RASGRF1: variants seen among roughly 807,000 people sequenced by gnomAD.
RASGRF1 encodes the protein Ras protein specific guanine nucleotide releasing factor 1.
A neutral mutation model predicts 138.7 loss-of-function variants in RASGRF1; 40 were observed. The ratio of observed to expected loss-of-function variants is 0.29; its 90% CI spans 0.22 to 0.38. The LOEUF is 0.38. RASGRF1 is among the 10% of genes least tolerant of loss of function. RASGRF1 has a pLI of 1.00. For missense variants in RASGRF1, 1,108 were observed against 1,650.4 expected (o/e 0.67, Z 5.69); for synonymous variants, 614 against 663.2 (o/e 0.93, Z 1.14).
chr15:79,039,282 G>C (rs975666006), intron 5 of RASGRF1, among the ~76,000 whole-genome samples: 1 of 115,640 alleles, frequency 8.6e-6, no homozygotes, highest in African/African-American at 3.4e-5. Flanking sequence ...GGGCAACAGA[G>C]TGAGACCCTG....
At chr15:79,021,850 T>C (rs1272562743) in intron 10 of RASGRF1, among the ~76,000 whole-genome samples, 3 of 152,208 alleles carry the variant, frequency 2.0e-5, no homozygotes, top group Admixed American at 2.0e-4. Flanking sequence ...TCTTGCCCCA[T>C]AGTAAGCATT....
chr15:78,996,977 C>T (rs986085791), intron 19 of RASGRF1, among the ~76,000 whole-genome samples: 5 of 152,218 alleles, frequency 3.3e-5, no homozygotes, highest in African/African-American at 1.2e-4. Flanking sequence ...CAAGCCCTCA[C>T]ACCTGGGCTG....
chr15:78,974,231 C>T lies in RASGRF1; in HGVS notation c.3495-811G>A, dbSNP rs72730685. On this transcript the variant is annotated intron_variant, in intron 24 of 26. Transcript: ENST00000558480. ...GAGCCCGGCGGTCGTTATGTGCCGG[C>T]AGGGCTCCCTTTAGCTCCTTCTGGG... Among the ~76,000 whole-genome samples, 583 of 152,316 alleles carry T rather than the reference C, an allele frequency of 3.8e-3. 3 individuals are homozygous for T. The highest frequency in any genetic ancestry group is 6.4e-3 in the Non-Finnish European group (433 of 68,018).
At chr15:78,968,250 A>ATGTGTGTGTG (rs10529968) in intron 26 of RASGRF1, among the ~76,000 whole-genome samples, 2,025 of 134,282 alleles carry the variant, frequency 0.015, 44 homozygotes, top group African/African-American at 0.048. Flanking sequence ...CATGACACTG[A>ATGTGTGTGTG]TGTGTGTGTG....
In RASGRF1 at chr15:78,991,696, A is replaced by G; in HGVS notation, c.3126T>C (p.Pro1042=). ...LLDHLVFKKI[P]YEEFFGQGWM... ...GTGGTGCCTGCAACACTTACTCATA[A>G]GGAATCTTCTTGAAGACGAGGTGAT... Residue 1042 remains proline (P), a synonymous_variant, in exon 21 of 27, where the codon CCT becomes CCC. Transcript: ENST00000558480. The G allele has an allele frequency of 6.2e-7, 1 of 1,613,762 alleles. No homozygotes were observed. The highest frequency in any genetic ancestry group is 8.5e-7 in the Non-Finnish European group (1 of 1,179,618).
At position 79,025,462 on chromosome 15, in the gene RASGRF1, T is replaced by C. The variant is rs759451394; in HGVS notation, c.1394A>G (p.Gln465Arg). The C allele has an allele frequency of 7.4e-6, 12 of 1,612,390 alleles. No individual in the cohort carries two copies. The highest frequency in any genetic ancestry group is 9.3e-6 in the Non-Finnish European group (11 of 1,179,070). ...QTFVRQGSLI[Q>R]VPMSEKGKIT... ...CTTGCCCTTTTCAGACATGGGCACC[T>C]GAATGAGGGAACCTGTGGGTGGAGG... Residue 465 changes from glutamine to arginine, a missense_variant, in exon 10 of 27, where the codon CAG becomes CGG. Transcript: ENST00000558480.
Position 79,090,757 on chromosome 15 carries a change from C to T in RASGRF1, c.-259G>A, listed in dbSNP as rs1193144365. On this transcript the variant is annotated 5_prime_UTR_variant, in exon 1 of 27. Coordinates refer to ENST00000558480, the MANE Select transcript of RASGRF1 (RefSeq NM_001145648.3). ...CGGAAGATGCCGCCCGACCCTCCTC[C>T]GGTGCCGGGCAAACTGAGGGACTGG... 5 of 511,628 alleles carry T rather than the reference C, an allele frequency of 9.8e-6. No individual in the cohort carries two copies. Among genetic ancestry groups the T allele is most frequent in the Non-Finnish European group, 1.4e-5 (4 of 294,642 alleles). 31.7% of individuals were successfully genotyped at this position (511,628 alleles called of 1,614,324 possible). A position where few individuals can be genotyped will look rare whatever the true frequency, so the allele number is the denominator to read the frequency against.
At chr15:79,044,132 A>G (rs943508490) in intron 5 of RASGRF1, among the ~76,000 whole-genome samples, 2 of 152,174 alleles carry the variant, frequency 1.3e-5, no homozygotes, top group African/African-American at 4.8e-5. Flanking sequence ...ACTCTCCCCA[A>G]GGAGTGCCCC....
chr15:79,002,408 C>CT (rs2056550884), intron 15 of RASGRF1, among the ~76,000 whole-genome samples: 1 of 152,162 alleles, frequency 6.6e-6, no homozygotes, highest in Non-Finnish European at 1.5e-5. Flanking sequence ...CTCTTAACTG[C>CT]TCTGGGCCTC....
At chr15:78,996,271 G>A (rs1430701237) in intron 19 of RASGRF1, among the ~76,000 whole-genome samples, 1 of 152,228 alleles carries the variant, frequency 6.6e-6, no homozygotes, top group Non-Finnish European at 1.5e-5. Flanking sequence ...GGAGAGCAGA[G>A]GAGAGTGGTA....
chr15:79,064,442 C>T lies in RASGRF1; in HGVS notation c.361G>A (p.Val121Met), dbSNP rs2057649450. The change falls in exon 2 of 27, where the codon GTG (valine) becomes ATG (methionine). Residue 121 changes from valine to methionine, a missense_variant. Val to Met is a conservative substitution (Grantham distance 21). This residue lies in a region of RASGRF1 where 253 missense variants were observed against 329.5 expected (regional missense o/e 0.77). Coordinates refer to ENST00000558480, the MANE Select transcript of RASGRF1 (RefSeq NM_001145648.3). Reference sequence around the variant, plus strand: ...TACCTGGCATGTGCAATGGCTGCCACCCATTCGTCACAATCTTTTGCGTCC... The same window carrying T: ...TACCTGGCATGTGCAATGGCTGCCATCCATTCGTCACAATCTTTTGCGTCC... ...TEDAKDCDEW[V>M]AAIAHASYRT... is the part of the protein sequence containing the mutation. 2.5e-6 allele frequency: 4 copies of T among 1,614,160 alleles called. No individual in the cohort carries two copies. Among genetic ancestry groups the T allele is most frequent in the Non-Finnish European group, 3.4e-6 (4 of 1,179,970 alleles).
In RASGRF1 at chr15:78,973,845, C is replaced by T. The variant is rs2055820368; in HGVS notation, c.3495-425G>A. Among the ~76,000 whole-genome samples, 1 of 152,100 alleles carries T rather than the reference C, an allele frequency of 6.6e-6. No homozygotes were observed. Among genetic ancestry groups the T allele is most frequent in the African/African-American group, 2.4e-5 (1 of 41,408 alleles). ...ATCACCTCCTGGAGGGCTCTGCAGC[C>T]CCAGCCCCCCAACTCCTGCCAGTCA... On this transcript the variant is annotated intron_variant, in intron 24 of 26. Coordinates refer to ENST00000558480, the MANE Select transcript of RASGRF1 (RefSeq NM_001145648.3). This position sits in a 1 kb window ranked among gnomAD's most constrained non-coding sequence, Gnocchi z 4.9.
chr15:79,011,272 ATTAT>A, intron 13 of RASGRF1, among the ~76,000 whole-genome samples: 1 of 152,276 alleles, frequency 6.6e-6, no homozygotes, highest in African/African-American at 2.4e-5. Flanking sequence ...GGATCGCTGT[ATTAT>A]TTAAGAAAGT....
rs114746212 is a variant in RASGRF1, at chr15:79,053,705, A to T, written c.532-4117T>A. Among the ~76,000 whole-genome samples, 1,104 of 152,332 alleles carry T rather than the reference A, an allele frequency of 7.2e-3. 9 individuals are homozygous for T. The highest frequency in any genetic ancestry group is 0.025 in the African/African-American group (1,021 of 41,568). ...TGTCGGCATGATCTCCTGTTAACAGAGATGGCTGGGGTGGGTGCCACAGGA... is the reference window on the plus strand; with the variant it reads ...TGTCGGCATGATCTCCTGTTAACAGTGATGGCTGGGGTGGGTGCCACAGGA... On this transcript the variant is annotated intron_variant, in intron 3 of 26. Transcript: ENST00000558480.
intron 21 of RASGRF1, among the ~76,000 whole-genome samples, chr15:78,990,808 T>C (rs556999110): frequency 6.6e-6 from 1 of 152,254 alleles, no homozygotes; most frequent in African/African-American, 2.4e-5. Context: ...GGGAGGTGAT[T>C]TGTGTTTGAA....
chr15:79,024,777 T>C (rs1292641469), intron 10 of RASGRF1, among the ~76,000 whole-genome samples: 1 of 152,150 alleles, frequency 6.6e-6, no homozygotes, highest in Admixed American at 6.6e-5. Context: ...ATTAAACCTC[T>C]TTTTCTTTGT....
At chr15:79,039,126 C>T (rs995357615) in intron 5 of RASGRF1, among the ~76,000 whole-genome samples, 9 of 146,742 alleles carry the variant, frequency 6.1e-5, no homozygotes, top group Non-Finnish European at 1.1e-4. Flanking sequence ...ATAGGGAGAC[C>T]CCGTCTCTAC....
chr15:79,083,825 G>A (rs2057945763), intron 1 of RASGRF1, among the ~76,000 whole-genome samples: 1 of 152,318 alleles, frequency 6.6e-6, no homozygotes, highest in East Asian at 1.9e-4. Flanking sequence ...ACCTCACAGG[G>A]CTGTTGGAAT....
chr15:79,081,991 G>C (rs922060776), intron 1 of RASGRF1, among the ~76,000 whole-genome samples: 2 of 152,166 alleles, frequency 1.3e-5, no homozygotes, highest in African/African-American at 2.4e-5. Flanking sequence ...GCCAGGCAAG[G>C]ATCCTGCCCC....
Sources: gnomAD v4.1 joint callset for allele counts (sites outside exome capture counted in the v4.1 genomes callset) on GRCh38, gnomAD v4.1.1 for gene constraint, gnomAD v4.1.1 regional missense constraint, Gnocchi (gnomAD v3.1) non-coding constraint, MANE v1.5 for transcripts, NCBI Gene and HGNC (gene_info 2026-07-23, HGNC 2026-07-21) for gene names.